Variants in B4GALT2 observed in about 807,000 individuals in gnomAD.
B4GALT2 encodes beta-1,4-galactosyltransferase 2, also known as N-acetyllactosamine synthase.
In B4GALT2, 18 loss-of-function variants were observed where a neutral mutation model predicts 33.2. The observed-to-expected ratio is 0.54, with a 90% CI of 0.38 to 0.80. B4GALT2 has a LOEUF of 0.80. Among genes scored for constraint, B4GALT2 ranks in the 30% least tolerant of loss-of-function variants. The pLI, the probability that B4GALT2 is intolerant of heterozygous loss-of-function variation, is 0.00. For synonymous variants in B4GALT2, 214 were observed against 217.6 expected, an observed-to-expected ratio of 0.98 and a Z score of 0.15; for missense variants, 404 against 526.2, an observed-to-expected ratio of 0.77 and a Z score of 2.27.
chr1:43,983,488 G>A (rs936125260), intron 3 of B4GALT2, among the ~76,000 whole-genome samples: 4 of 152,212 alleles, frequency 2.6e-5, no homozygotes, highest in Non-Finnish European at 4.4e-5. Context: ...ACCAAGACTC[G>A]TCCAGTGGAT....
intron 1 of B4GALT2, 130 bp from the exon 2 acceptor site, chr1:43,980,979 T>A: frequency 7.9e-7 from 1 of 1,260,384 alleles, no homozygotes. Context: ...AGTCTGTGAG[T>A]GTGAAAGGGT....
intron 3 of B4GALT2, among the ~76,000 whole-genome samples, chr1:43,983,719 A>T (rs2085625837): frequency 6.6e-6 from 1 of 152,266 alleles, no homozygotes; most frequent in East Asian, 1.9e-4. Context: ...GAGCATGTTT[A>T]TGAGCCATGT....
intron 1 of B4GALT2, chr1:43,980,040 C>G (rs558816359): frequency 6.6e-7 from 1 of 1,515,330 alleles, no homozygotes; most frequent in South Asian, 1.2e-5. Flanking sequence ...GAGCAGTGGC[C>G]TTGTTTGTGA....
Position 43,985,602 on chromosome 1 carries a change from A to G in B4GALT2, c.949A>G (p.Asn317Asp). The G allele has an allele frequency of 6.2e-7, 1 of 1,613,924 alleles. No individual in the cohort carries two copies. Among genetic ancestry groups the G allele is most frequent in the East Asian group, 2.2e-5 (1 of 44,858 alleles). ...RMIKHDRDKHNEPNPQRFTKI... is the reference protein window; with the variant it reads ...RMIKHDRDKHDEPNPQRFTKI... ...GATCAAGCACGACCGCGACAAGCATAACGAACCTAACCCTCAGAGGTGACC... is the reference window on the plus strand; with the variant it reads ...GATCAAGCACGACCGCGACAAGCATGACGAACCTAACCCTCAGAGGTGACC... The change falls in exon 6 of 7, where the codon AAC becomes GAC. Residue 317 changes from asparagine to aspartate, a missense_variant. Asn to Asp is a conservative substitution (Grantham distance 23). Coordinates refer to ENST00000372324, the MANE Select transcript of B4GALT2 (RefSeq NM_003780.5).
intron 6 of B4GALT2, among the ~76,000 whole-genome samples, chr1:43,988,211 C>T (rs2085680062): frequency 6.6e-6 from 1 of 152,074 alleles, no homozygotes; most frequent in African/African-American, 2.4e-5. Context: ...TGGTCTCAGG[C>T]TTAGAAAGGT....
chr1:43,980,505 T>G, intron 1 of B4GALT2: 1 of 994,042 alleles, frequency 1.0e-6, no homozygotes, highest in Non-Finnish European at 1.2e-6. Context: ...CCCAGCCTGG[T>G]CCCAGTTGGC....
At chr1:43,980,805 AGTGT>A (rs969746594) in intron 1 of B4GALT2, among the ~76,000 whole-genome samples, 6 of 151,828 alleles carry the variant, frequency 4.0e-5, no homozygotes, top group Non-Finnish European at 7.4e-5. Context: ...GGAATGCGTG[AGTGT>A]GTGTGTAGAG....
At chr1:43,980,059 C>T (rs1195407275) in intron 1 of B4GALT2, 3 of 1,502,038 alleles carry the variant, frequency 2.0e-6, no homozygotes, top group Non-Finnish European at 2.7e-6. Context: ...GAGTGTGGGA[C>T]TTAGTGTGTT....
chr1:43,987,602 T>G (rs2085672943), intron 6 of B4GALT2, among the ~76,000 whole-genome samples: 1 of 152,158 alleles, frequency 6.6e-6, no homozygotes, highest in Non-Finnish European at 1.5e-5. Flanking sequence ...TTTACTACCT[T>G]TACCTTAGTC....
In B4GALT2 at chr1:43,981,604, C is replaced by G; in HGVS notation, c.314-85C>G. 3 of 1,536,170 alleles carry G rather than the reference C, an allele frequency of 2.0e-6. No individual in the cohort carries two copies. Among genetic ancestry groups the G allele is most frequent in the Non-Finnish European group, 1.8e-6 (2 of 1,138,788 alleles). ...GTAAGAGGGCTATTCTTGGGGTTCC[C>G]TAGCCCACCCCCAGGCTGAGGGTGG... On this transcript the variant is annotated intron_variant, in intron 2 of 6. Transcript: ENST00000372324. The surrounding 1 kb of genome is among the most constrained non-coding windows in gnomAD (Gnocchi z 8.1).
At chr1:43,983,177 T>G (rs568034160) in intron 3 of B4GALT2, among the ~76,000 whole-genome samples, 1 of 152,000 alleles carries the variant, frequency 6.6e-6, no homozygotes, top group Non-Finnish European at 1.5e-5. Flanking sequence ...GTTAGACAAA[T>G]GAGTCTGGAC....
Position 43,984,885 on chromosome 1 carries a change from C to G in B4GALT2, c.570C>G (p.Asn190Lys). The change falls in exon 4 of 7, where the codon AAC becomes AAG. Residue 190 changes from asparagine to lysine, a missense_variant. By Grantham distance (94) the Asn-to-Lys change is moderately conservative (BLOSUM62 0). Coordinates refer to ENST00000372324, the MANE Select transcript of B4GALT2 (RefSeq NM_003780.5). This position sits in a 1 kb window ranked among gnomAD's most constrained non-coding sequence, Gnocchi z 5.6. ...CCCAGCATGGTGAGGACACCTTCAA[C>G]CGGGCCAAGCTGCTTAACGTGGGCT... ...VINQHGEDTF[N>K]RAKLLNVGFL... 1 of 1,613,914 alleles carries G rather than the reference C, an allele frequency of 6.2e-7. No homozygotes were observed. The highest frequency in any genetic ancestry group is 8.5e-7 in the Non-Finnish European group (1 of 1,179,956).
intron 6 of B4GALT2, among the ~76,000 whole-genome samples, chr1:43,986,463 G>A (rs2085660393): frequency 2.0e-5 from 3 of 152,198 alleles, no homozygotes; most frequent in African/African-American, 7.2e-5. Flanking sequence ...CCTACCTTGG[G>A]CACAGTGCTA....
rs1459322380 is a variant in B4GALT2 at position 43,982,963 on chromosome 1, T to G, written c.549+1039T>G. On this transcript the variant is annotated intron_variant, in intron 3 of 6. Transcript: ENST00000372324. The surrounding 1 kb of genome is among the most constrained non-coding windows in gnomAD (Gnocchi z 4.3). ...GGGAGTCGCGGGGAAGAAGTGGGGT[T>G]GTTACGCAAGTAGTGGAGAGTGAGA... 6.6e-6 allele frequency among the ~76,000 whole-genome samples: 1 copy of G among 151,858 alleles called. No individual in the cohort carries two copies. Among genetic ancestry groups the G allele is most frequent in the Non-Finnish European group, 1.5e-5 (1 of 67,958 alleles).
At chr1:43,985,802 C>T in intron 6 of B4GALT2, 181 bp downstream of exon 6, 2 of 627,286 alleles carry the variant, frequency 3.2e-6, no homozygotes, top group Non-Finnish European at 5.7e-6. Context: ...CTCAGGACTG[C>T]TGGCACCCCT....
rs758687714 is a variant in B4GALT2 at position 43,981,351 on chromosome 1, G to A, written c.191G>A (p.Ser64Asn). ...LHPAASSSSS[S>N]SNCSRPNATA... is the part of the protein sequence containing the mutation. Reference sequence around the variant, plus strand: ...CCAGCTGCTAGCAGCAGCAGCAGCAGCAGCAACTGCTCCCGGCCCAACGCC... The same window carrying A: ...CCAGCTGCTAGCAGCAGCAGCAGCAACAGCAACTGCTCCCGGCCCAACGCC... The change falls in exon 2 of 7, where the codon AGC (serine) becomes AAC (asparagine). Residue 64 changes from serine to asparagine, a missense_variant. Ser to Asn is a conservative substitution (Grantham distance 46). Transcript: ENST00000372324. This position sits in a 1 kb window ranked among gnomAD's most constrained non-coding sequence, Gnocchi z 8.1. The A allele has an allele frequency of 2.8e-5, 44 of 1,599,874 alleles. No homozygotes were observed. In the Middle Eastern group the frequency reaches 4.9e-4, roughly 18 times the overall value.
chr1:43,989,568 G>A (rs949655921), intron 6 of B4GALT2, among the ~76,000 whole-genome samples: 45 of 152,164 alleles, frequency 3.0e-4, no homozygotes, highest in Non-Finnish European at 5.4e-4. Flanking sequence ...TATGCATATC[G>A]AACAAACATG....
rs1227137391 is a variant in B4GALT2 at position 43,990,928 on chromosome 1, G to A, written c.*480G>A. The A allele has an allele frequency of 1.2e-5, 2 of 170,168 alleles. No homozygotes were observed. Among genetic ancestry groups the A allele is most frequent in the African/African-American group, 4.8e-5 (2 of 41,968 alleles). 10.5% of individuals were successfully genotyped at this position (170,168 alleles called of 1,614,324 possible). A position where few individuals can be genotyped will look rare whatever the true frequency, so the allele number is the denominator to read the frequency against. On this transcript the variant is annotated 3_prime_UTR_variant, in exon 7 of 7. Coordinates refer to ENST00000372324, the MANE Select transcript of B4GALT2 (RefSeq NM_003780.5). ...GAAACCTTTTTCATTCAACATTGTA[G>A]GGGGCAAGCTTTGGTGCGCCCCCTG...
chr1:43,981,699 G>A lies in B4GALT2; in HGVS notation c.324G>A (p.Leu108=), dbSNP rs757200068. The change falls in exon 3 of 7, where the codon CTG becomes CTA. Residue 108 remains leucine, a synonymous_variant. Transcript: ENST00000372324. This position sits in a 1 kb window ranked among gnomAD's most constrained non-coding sequence, Gnocchi z 8.1. The part of the protein sequence containing the change: ...PDSPPGLVGR[L]LIEFTSPMPL... Reference sequence around the variant, plus strand: ...CTGTCCTGTCTGCAGTGGGCAGACTGCTGATCGAGTTCACCTCACCCATGC... The same window carrying A: ...CTGTCCTGTCTGCAGTGGGCAGACTACTGATCGAGTTCACCTCACCCATGC... 1.9e-6 allele frequency: 3 copies of A among 1,609,908 alleles called. No homozygotes were observed. The highest frequency in any genetic ancestry group is 2.5e-6 in the Non-Finnish European group (3 of 1,177,870).
Sources: allele counts gnomAD v4.1 joint callset (sites outside exome capture counted in the v4.1 genomes callset), GRCh38; gene constraint gnomAD v4.1.1; non-coding constraint Gnocchi (gnomAD v3.1); transcripts MANE v1.5; gene names NCBI Gene and HGNC (gene_info 2026-07-23, HGNC 2026-07-21).